The following CPNE4 variants were observed in gnomAD, a reference collection of about 807,000 sequenced individuals.
CPNE4 encodes the protein copine-4.
CPNE4 carries 25 observed loss-of-function variants against 67.9 expected under a neutral mutation model. That is an observed-to-expected ratio of 0.37 (90% CI 0.27 to 0.51). CPNE4 has a LOEUF of 0.51. CPNE4 is among the 20% of genes least tolerant of loss of function. CPNE4 has a pLI of 0.93. For missense variants in CPNE4, 464 were observed against 690.8 expected, an observed-to-expected ratio of 0.67 and a Z score of 3.68; for synonymous variants, 242 against 244.9, an observed-to-expected ratio of 0.99 and a Z score of 0.11.
At chr3:131,866,689 T>C (rs902033242) in intron 2 of CPNE4, among the ~76,000 whole-genome samples, 8 of 152,176 alleles carry the variant, frequency 5.3e-5, no homozygotes, top group African/African-American at 1.9e-4. Flanking sequence ...TAGAAATTTC[T>C]GCTACATAAA....
At chr3:131,950,680 T>C (rs1423861627) in intron 1 of CPNE4, among the ~76,000 whole-genome samples, 2 of 152,238 alleles carry the variant, frequency 1.3e-5, no homozygotes, top group Non-Finnish European at 2.9e-5. Context: ...GAGGACCGAC[T>C]ATACTTACAA....
chr3:132,038,987 G>T (rs1194795915), upstream of CPNE4, among the ~76,000 whole-genome samples: 7 of 152,232 alleles, frequency 4.6e-5, no homozygotes, highest in African/African-American at 1.7e-4. Context: ...CTAGACACAT[G>T]TATCTATTTA....
rs2088612739 is a variant in CPNE4, at chr3:131,903,113, T to G, written c.180+2151A>C. ...TAAACATGCTGACTCTCGGGTCTTTTGAACCTTCTTTCTCCTATAGAGTGG... is the reference window on the plus strand; with the variant it reads ...TAAACATGCTGACTCTCGGGTCTTTGGAACCTTCTTTCTCCTATAGAGTGG... On this transcript the variant is annotated intron_variant, in intron 2 of 15. Coordinates refer to ENST00000429747, the MANE Select transcript of CPNE4 (RefSeq NM_130808.3). Among the ~76,000 whole-genome samples the G allele has an allele frequency of 2.0e-5, 3 of 152,114 alleles. No individual in the cohort carries two copies. The South Asian group carries it at 6.2e-4, about 31-fold the overall frequency.
chr3:131,732,892 A>G (rs1432735976), intron 2 of CPNE4, among the ~76,000 whole-genome samples: 3 of 152,186 alleles, frequency 2.0e-5, no homozygotes, highest in Non-Finnish European at 4.4e-5. Context: ...GAAAACTTGT[A>G]ATCCATATGT....
intron 4 of CPNE4, among the ~76,000 whole-genome samples, chr3:131,697,017 A>T (rs1175985933): frequency 6.6e-6 from 1 of 152,226 alleles, no homozygotes; most frequent in Non-Finnish European, 1.5e-5. Flanking sequence ...AGTGAGACCA[A>T]CAAGAAATGT....
chr3:131,630,864 C>T (rs1001319791), intron 7 of CPNE4, among the ~76,000 whole-genome samples: 1 of 152,138 alleles, frequency 6.6e-6, no homozygotes, highest in African/African-American at 2.4e-5. Flanking sequence ...AGATAAAAAC[C>T]TCTCTTTGGG....
At chr3:131,780,443 G>A (rs971806778) in intron 2 of CPNE4, among the ~76,000 whole-genome samples, 5 of 152,056 alleles carry the variant, frequency 3.3e-5, no homozygotes, top group Admixed American at 1.3e-4. Context: ...CCCATCAGTG[G>A]TGGACTGGGT....
chr3:132,014,034 T>C (rs1195750197), intron 1 of CPNE4, among the ~76,000 whole-genome samples: 1 of 152,152 alleles, frequency 6.6e-6, no homozygotes, highest in African/African-American at 2.4e-5. Flanking sequence ...AGCCAAATTG[T>C]GCATAATTAT....
intron 2 of CPNE4, among the ~76,000 whole-genome samples, chr3:131,767,334 A>G (rs79051094): frequency 0.069 from 10,548 of 151,876 alleles, 494 homozygotes; most frequent in African/African-American, 0.12. Flanking sequence ...TTTGCCCTCT[A>G]TCTAGGAGGG....
intron 2 of CPNE4, among the ~76,000 whole-genome samples, chr3:131,830,319 G>A (rs554021166): frequency 8.5e-5 from 13 of 152,218 alleles, no homozygotes; most frequent in Middle Eastern, 3.4e-3. Flanking sequence ...TTATTATAAT[G>A]TCCTTCTATC....
At chr3:131,948,898 A>C (rs1443614088) in intron 1 of CPNE4, among the ~76,000 whole-genome samples, 1 of 152,226 alleles carries the variant, frequency 6.6e-6, no homozygotes, top group East Asian at 1.9e-4. Context: ...CATTCTAAAG[A>C]CACTGATTAT....
At chr3:131,870,836 G>T (rs942842060) in intron 2 of CPNE4, among the ~76,000 whole-genome samples, 18 of 152,190 alleles carry the variant, frequency 1.2e-4, no homozygotes, top group African/African-American at 4.3e-4. Context: ...CGCACATAGA[G>T]CCACTGTCTG....
intron 6 of CPNE4, among the ~76,000 whole-genome samples, chr3:131,682,182 G>C (rs1484120861): frequency 2.0e-5 from 3 of 152,030 alleles, no homozygotes; most frequent in Non-Finnish European, 4.4e-5. Context: ...GAATGGTCCT[G>C]ATGCTTGTAG....
intron 2 of CPNE4, among the ~76,000 whole-genome samples, chr3:131,804,853 A>T (rs1340948436): frequency 1.3e-5 from 2 of 152,356 alleles, no homozygotes; most frequent in African/African-American, 4.8e-5. Context: ...GCGAGGCCTT[A>T]TCTGCAGTTG....
At chr3:131,976,961 C>T (rs576693464) in intron 1 of CPNE4, among the ~76,000 whole-genome samples, 2 of 152,092 alleles carry the variant, frequency 1.3e-5, no homozygotes, top group African/African-American at 4.8e-5. Context: ...ACCACCATGT[C>T]CGGCTAATTT....
At chr3:131,866,318 G>A (rs1176468512) in intron 2 of CPNE4, among the ~76,000 whole-genome samples, 3 of 152,194 alleles carry the variant, frequency 2.0e-5, no homozygotes, top group South Asian at 2.1e-4. Context: ...ATTGGCATTC[G>A]TTTAGTGTAC....
intron 1 of CPNE4, among the ~76,000 whole-genome samples, chr3:131,932,725 C>T (rs1342540633): frequency 1.3e-5 from 2 of 151,644 alleles, no homozygotes; most frequent in Non-Finnish European, 2.9e-5. Context: ...GTCAGGAGTT[C>T]GAAAGCAGCC....
At chr3:131,831,567 A>G (rs916346121) in intron 2 of CPNE4, among the ~76,000 whole-genome samples, 7 of 152,182 alleles carry the variant, frequency 4.6e-5, no homozygotes, top group Admixed American at 3.9e-4. Context: ...TCTGAGTCTG[A>G]AGTCTTTCTC....
chr3:131,647,459 T>C (rs1199032638), intron 7 of CPNE4, among the ~76,000 whole-genome samples: 1 of 152,212 alleles, frequency 6.6e-6, no homozygotes, highest in East Asian at 1.9e-4. Flanking sequence ...TTCCACCTTT[T>C]GCCTGCCCTC....
Sources: allele counts gnomAD v4.1 joint callset (sites outside exome capture counted in the v4.1 genomes callset), GRCh38; gene constraint gnomAD v4.1.1; transcripts MANE v1.5; gene names NCBI Gene and HGNC (gene_info 2026-07-23, HGNC 2026-07-21).